SEMA3A: variants seen among roughly 807,000 people sequenced by gnomAD.
SEMA3A encodes the protein semaphorin-3A.
A neutral mutation model predicts 97.9 loss-of-function variants in SEMA3A; 29 were observed. The observed-to-expected ratio is 0.30, with a 90% CI of 0.22 to 0.40. The LOEUF is 0.40. Among genes scored for constraint, SEMA3A ranks in the 10% least tolerant of loss-of-function variants. The pLI is 1.00. For missense variants in SEMA3A, 763 were observed against 951.3 expected (o/e 0.80, Z 2.60); for synonymous variants, 321 against 323.7 (o/e 0.99, Z 0.09).
At chr7:84,140,707 T>C (rs1202436539) in intron 1 of SEMA3A, among the ~76,000 whole-genome samples, 3 of 152,118 alleles carry the variant, frequency 2.0e-5, no homozygotes, top group African/African-American at 7.2e-5. Flanking sequence ...GGTCCAACAG[T>C]TTTAGATCCT....
intron 1 of SEMA3A, among the ~76,000 whole-genome samples, chr7:84,461,753 A>G (rs1324785641): frequency 6.6e-6 from 1 of 152,200 alleles, no homozygotes; most frequent in Non-Finnish European, 1.5e-5. Flanking sequence ...CATACAGAAA[A>G]GAAAAACTAA....
In SEMA3A at chr7:84,121,535, A is replaced by G. The variant is rs184572768; in HGVS notation, c.333+7588T>C. Among the ~76,000 whole-genome samples, 27 of 150,602 alleles carry G rather than the reference A, an allele frequency of 1.8e-4. No homozygotes were observed. In the East Asian group the frequency reaches 4.9e-3, roughly 27 times the overall value. The stretch of plus-strand genomic sequence containing the variant: ...CTTCATCCATGTCCCTACAAAGGAC[A>G]TGAACTCATCCTTTTTTTGGCTGCA... On this transcript the variant is annotated intron_variant, in intron 3 of 16. Coordinates refer to ENST00000265362, the MANE Select transcript of SEMA3A (RefSeq NM_006080.3).
intron 3 of SEMA3A, among the ~76,000 whole-genome samples, chr7:84,294,908 G>C (rs976019764): frequency 6.6e-6 from 1 of 152,016 alleles, no homozygotes; most frequent in Admixed American, 6.6e-5. Flanking sequence ...TTTCCTCCCT[G>C]GAGGTAACAA....
intron 2 of SEMA3A, among the ~76,000 whole-genome samples, chr7:84,315,457 A>G (rs1389507293): frequency 6.6e-6 from 1 of 152,200 alleles, no homozygotes; most frequent in East Asian, 1.9e-4. Flanking sequence ...TAAGTCATAT[A>G]ATCATTGTAT....
At chr7:84,417,165 T>TATTGTG (rs1219793105) in intron 1 of SEMA3A, among the ~76,000 whole-genome samples, 1 of 152,132 alleles carries the variant, frequency 6.6e-6, no homozygotes, top group African/African-American at 2.4e-5. Context: ...TACATTACTA[T>TATTGTG]ATTGTGATTT....
At chr7:84,387,735 T>C (rs2116163107) in intron 1 of SEMA3A, among the ~76,000 whole-genome samples, 1 of 152,284 alleles carries the variant, frequency 6.6e-6, no homozygotes, top group Middle Eastern at 3.4e-3. Flanking sequence ...AAGAAACAGA[T>C]CTCTTTAAAA....
chr7:84,104,679 T>C (rs930373933), intron 4 of SEMA3A, among the ~76,000 whole-genome samples: 6 of 152,150 alleles, frequency 3.9e-5, no homozygotes, highest in East Asian at 1.9e-4. Flanking sequence ...TAGGTCACTT[T>C]ACTCCCTCAC....
At chr7:84,166,594 G>C (rs1389252526) in intron 1 of SEMA3A, among the ~76,000 whole-genome samples, 1 of 146,824 alleles carries the variant, frequency 6.8e-6, no homozygotes, top group African/African-American at 2.5e-5. Flanking sequence ...AATTGCCGGG[G>C]GGGCGCAGTG....
chr7:84,309,133 T>G (rs1801249129), intron 2 of SEMA3A, among the ~76,000 whole-genome samples: 1 of 152,212 alleles, frequency 6.6e-6, no homozygotes, highest in Middle Eastern at 3.4e-3. Flanking sequence ...ATCCACCTTT[T>G]AAAAGCCGGT....
chr7:84,107,762 A>G (rs1795153684), intron 4 of SEMA3A, among the ~76,000 whole-genome samples: 1 of 152,078 alleles, frequency 6.6e-6, no homozygotes, highest in African/African-American at 2.4e-5. Flanking sequence ...TAAAATCTCA[A>G]CTTCAAAAAT....
At chr7:84,490,120 A>C (rs1284512566) in intron 1 of SEMA3A, among the ~76,000 whole-genome samples, 1 of 150,670 alleles carries the variant, frequency 6.6e-6, no homozygotes, top group African/African-American at 2.4e-5. Context: ...TTTATAGGAT[A>C]TTTATTAACA....
In SEMA3A at chr7:84,186,781, G is replaced by A. The variant is rs577265042; in HGVS notation, c.112+7694C>T. Among the ~76,000 whole-genome samples, 58 of 150,472 alleles carry A rather than the reference G, an allele frequency of 3.9e-4. No homozygotes were observed. In the South Asian group the frequency reaches 6.5e-3, roughly 17 times the overall value. On this transcript the variant is annotated intron_variant, in intron 1 of 16. Coordinates refer to ENST00000265362, the MANE Select transcript of SEMA3A (RefSeq NM_006080.3). The stretch of plus-strand genomic sequence containing the variant: ...AAAAAAAAAAAAAGAATTTTCCAAC[G>A]AACATTGTAAGTTCATTTTATTCTA...
intron 2 of SEMA3A, among the ~76,000 whole-genome samples, chr7:84,310,597 T>C (rs986553460): frequency 6.6e-6 from 1 of 151,956 alleles, no homozygotes; most frequent in Admixed American, 6.6e-5. Flanking sequence ...TCTAAAGGAG[T>C]TGTGACTTTG....
At chr7:84,341,806 G>C (rs541341189) in intron 2 of SEMA3A, among the ~76,000 whole-genome samples, 1 of 152,134 alleles carries the variant, frequency 6.6e-6, no homozygotes, top group South Asian at 2.1e-4. Context: ...ACATACCCCA[G>C]GATGTTCCAC....
At chr7:84,054,384 C>A (rs1324740389) in intron 5 of SEMA3A, among the ~76,000 whole-genome samples, 1 of 151,872 alleles carries the variant, frequency 6.6e-6, no homozygotes, top group Non-Finnish European at 1.5e-5. Flanking sequence ...TCACATAGTC[C>A]CATATTTCTT....
intron 1 of SEMA3A, among the ~76,000 whole-genome samples, chr7:84,189,918 C>A (rs1797989278): frequency 2.6e-5 from 4 of 151,352 alleles, no homozygotes; most frequent in Admixed American, 2.6e-4. Flanking sequence ...GTTTAGTTTG[C>A]TAATATTTTA....
intron 5 of SEMA3A, among the ~76,000 whole-genome samples, chr7:84,049,445 G>A (rs1792499975): frequency 6.6e-6 from 1 of 152,038 alleles, no homozygotes; most frequent in African/African-American, 2.4e-5. Context: ...ACAAGCAGTA[G>A]TATATTCTAC....
intron 4 of SEMA3A, among the ~76,000 whole-genome samples, chr7:84,098,937 A>ATG (rs75486049): frequency 0.41 from 62,341 of 151,572 alleles, 14,671 homozygotes; most frequent in Admixed American, 0.52. Flanking sequence ...ATTTTGATAA[A>ATG]GCTATCAACC....
intron 3 of SEMA3A, among the ~76,000 whole-genome samples, chr7:84,289,279 A>C (rs1800678748): frequency 6.6e-6 from 1 of 152,088 alleles, no homozygotes; most frequent in Non-Finnish European, 1.5e-5. Context: ...AGATAGGAGC[A>C]ATAGGTTCTT....
Sources: allele counts gnomAD v4.1 joint callset (sites outside exome capture counted in the v4.1 genomes callset), GRCh38; gene constraint gnomAD v4.1.1; transcripts MANE v1.5; gene names NCBI Gene and HGNC (gene_info 2026-07-23, HGNC 2026-07-21).